Variants in NXPE4 observed in about 807,000 individuals in gnomAD.
NXPE4 encodes the protein neurexophilin and PC-esterase domain family member 4, also known as NXPE family member 4.
NXPE4 carries 42 observed loss-of-function variants against 33.3 expected under a neutral mutation model. The observed-to-expected ratio is 1.26, with a 90% CI of 0.98 to 1.63. The LOEUF is 1.63. Among genes scored for constraint, NXPE4 ranks in the 40% most tolerant of loss-of-function variants. The pLI, the probability that NXPE4 is intolerant of heterozygous loss-of-function variation, is 0.00. For missense variants in NXPE4, 709 were observed against 647.6 expected (o/e 1.09, Z -1.03); for synonymous variants, 253 against 234.9 (o/e 1.08, Z -0.71).
At chr11:114,639,183 C>T in the NXPE4 span, among the ~76,000 whole-genome samples, 2 of 152,016 alleles carry the variant, frequency 1.3e-5, no homozygotes, top group Admixed American at 6.6e-5. Flanking sequence ...GGGCACCCCT[C>T]CCCCAGCCTC....
At chr11:114,577,042 A>C (rs1489538790) in intron 5 of NXPE4, among the ~76,000 whole-genome samples, 1 of 29,810 alleles carries the variant, frequency 3.4e-5, no homozygotes, top group Admixed American at 3.5e-4. Flanking sequence ...TATATATATA[A>C]AGTTATATAT....
intron 5 of NXPE4, among the ~76,000 whole-genome samples, chr11:114,577,060 T>C (rs10891707): frequency 0.094 from 4,498 of 48,032 alleles, 437 homozygotes; most frequent in African/African-American, 0.35. Flanking sequence ...TATATATACA[T>C]ATATATATAT....
the NXPE4 span, among the ~76,000 whole-genome samples, chr11:114,667,178 A>G: frequency 2.6e-5 from 4 of 152,154 alleles, no homozygotes; most frequent in Admixed American, 6.6e-5. Context: ...ATTGACAGAG[A>G]GTGACAAAAC....
At chr11:114,608,881 C>A in the NXPE4 span, among the ~76,000 whole-genome samples, 7,398 of 137,070 alleles carry the variant, frequency 0.054, 604 homozygotes, top group African/African-American at 0.18. Context: ...CCGGTGGATA[C>A]CAAGTATTGC....
chr11:114,577,146 TAA>T (rs1949027999), intron 5 of NXPE4, among the ~76,000 whole-genome samples: 1 of 137,226 alleles, frequency 7.3e-6, no homozygotes, highest in Non-Finnish European at 1.5e-5. Context: ...TATAATGTCA[TAA>T]ATATATATGT....
At chr11:114,586,521 C>T (rs1456569767) in intron 2 of NXPE4, among the ~76,000 whole-genome samples, 2 of 152,196 alleles carry the variant, frequency 1.3e-5, no homozygotes, top group Admixed American at 6.5e-5. Context: ...ACTCAGGGGA[C>T]AGGCTTGCCA....
chr11:114,616,094 T>G, the NXPE4 span, among the ~76,000 whole-genome samples: 1 of 151,546 alleles, frequency 6.6e-6, no homozygotes, highest in African/African-American at 2.4e-5. Flanking sequence ...TGCTGCATAA[T>G]AAGTAATGCA....
chr11:114,588,143 C>T (rs1002754193), intron 2 of NXPE4, among the ~76,000 whole-genome samples: 2 of 152,148 alleles, frequency 1.3e-5, no homozygotes, highest in African/African-American at 4.8e-5. Flanking sequence ...AGGGAACTAT[C>T]TGAGGCAGCT....
chr11:114,651,048 AATAAT>A, the NXPE4 span, among the ~76,000 whole-genome samples: 7 of 152,106 alleles, frequency 4.6e-5, no homozygotes, highest in African/African-American at 1.4e-4. Flanking sequence ...CATTGAAGGT[AATAAT>A]ATAATAGCTA....
At chr11:114,581,935 C>G in intron 3 of NXPE4, 149 bp from the exon 4 acceptor site, 1 of 652,410 alleles carries the variant, frequency 1.5e-6, no homozygotes, top group Non-Finnish European at 2.6e-6. Flanking sequence ...ATTTCCATTT[C>G]TTTGCCTATT....
chr11:114,657,127 G>A, the NXPE4 span, among the ~76,000 whole-genome samples: 1 of 152,078 alleles, frequency 6.6e-6, no homozygotes, highest in Non-Finnish European at 1.5e-5. Flanking sequence ...ATTACTTTTA[G>A]TTCCGGATTG....
the NXPE4 span, among the ~76,000 whole-genome samples, chr11:114,622,121 G>T: frequency 4.3e-4 from 65 of 150,708 alleles, no homozygotes; most frequent in African/African-American, 1.6e-3. Flanking sequence ...CTGTTACTCG[G>T]TGGATAATAA....
chr11:114,582,306 T>G lies in NXPE4; in HGVS notation c.812A>C (p.Glu271Ala), dbSNP rs374528575. The change falls in exon 3 of 6, where the codon GAA (glutamate) becomes GCA (alanine). Residue 271 changes from glutamate (E) to alanine (A), a missense_variant. By Grantham distance (107) the Glu-to-Ala change is moderately radical (BLOSUM62 -1). Coordinates refer to ENST00000375478, the MANE Select transcript of NXPE4 (RefSeq NM_001077639.2). ...NKKVSYLSKQEKSLFERSNVG... is the reference protein window; with the variant it reads ...NKKVSYLSKQAKSLFERSNVG... Reference sequence around the variant, plus strand: ...TTTTTACCTTTCAAAGAGGCTCTTTTCTTGTTTGCTAAGATAAGAAACTTT... The same window carrying G: ...TTTTTACCTTTCAAAGAGGCTCTTTGCTTGTTTGCTAAGATAAGAAACTTT... The G allele has an allele frequency of 6.3e-7, 1 of 1,579,408 alleles. No individual in the cohort carries two copies. Among genetic ancestry groups the G allele is most frequent in the Non-Finnish European group, 8.6e-7 (1 of 1,164,536 alleles).
At chr11:114,591,510 G>A (rs1949453644) in intron 2 of NXPE4, among the ~76,000 whole-genome samples, 1 of 152,090 alleles carries the variant, frequency 6.6e-6, no homozygotes, top group Non-Finnish European at 1.5e-5. Flanking sequence ...CAGCAAGAAA[G>A]CCTCATGACA....
At chr11:114,621,255 G>A in the NXPE4 span, among the ~76,000 whole-genome samples, 14 of 152,036 alleles carry the variant, frequency 9.2e-5, no homozygotes, top group African/African-American at 2.2e-4. Context: ...TGGATAATAC[G>A]TGTTGCCTCA....
chr11:114,604,231 G>T, the NXPE4 span, among the ~76,000 whole-genome samples: 1 of 152,138 alleles, frequency 6.6e-6, no homozygotes, highest in East Asian at 1.9e-4. Context: ...CTGTTACCCG[G>T]TTTATAATAA....
chr11:114,576,026 C>T (rs1284732655), intron 5 of NXPE4, among the ~76,000 whole-genome samples: 1 of 151,922 alleles, frequency 6.6e-6, no homozygotes, highest in African/African-American at 2.4e-5. Flanking sequence ...GAACAGAATA[C>T]AGAACCCAGA....
chr11:114,617,147 G>A, the NXPE4 span, among the ~76,000 whole-genome samples: 76 of 151,728 alleles, frequency 5.0e-4, no homozygotes, highest in Non-Finnish European at 7.7e-4. Flanking sequence ...AATAAGTGAC[G>A]TTTTGTGGGT....
the NXPE4 span, among the ~76,000 whole-genome samples, chr11:114,621,359 A>G: frequency 6.6e-6 from 1 of 152,212 alleles, no homozygotes; most frequent in Admixed American, 6.5e-5. Context: ...GTTAGTAAAT[A>G]CTGTTATCTG....
Sources: gnomAD v4.1 joint callset for allele counts (sites outside exome capture counted in the v4.1 genomes callset) on GRCh38, gnomAD v4.1.1 for gene constraint, MANE v1.5 for transcripts, NCBI Gene and HGNC (gene_info 2026-07-23, HGNC 2026-07-21) for gene names.